NTNG1: variants seen among roughly 807,000 people sequenced by gnomAD.
NTNG1 encodes netrin-G1.
Under a neutral mutation model 54.0 loss-of-function variants are expected in NTNG1, and 16 were observed. The observed-to-expected ratio is 0.30, with a 90% CI of 0.20 to 0.45. The LOEUF (loss-of-function observed/expected upper bound fraction) is 0.45, where lower values mean the gene tolerates loss of function less well. Among genes scored for constraint, NTNG1 ranks in the 20% least tolerant of loss-of-function variants. The pLI is 1.00. For missense variants in NTNG1, 530 were observed against 678.7 expected (o/e 0.78, Z 2.43); for synonymous variants, 255 against 263.1 (o/e 0.97, Z 0.30).
intron 3 of NTNG1, among the ~76,000 whole-genome samples, chr1:107,343,640 C>T (rs1669049094): frequency 6.6e-6 from 1 of 152,024 alleles, no homozygotes; most frequent in South Asian, 2.1e-4. Flanking sequence ...CGCTCTATCC[C>T]TGAACGAATT....
rs186922721 is a variant in NTNG1 at position 107,150,830 on chromosome 1, A to G, written c.246+1991A>G. ...TCCCATGCCTGCCTTTCAAAGGGAC[A>G]TGGTCTAAGGTATTTAAACAAGTCC... On this transcript the variant is annotated intron_variant, in intron 2 of 7. Transcript: ENST00000370068. Among the ~76,000 whole-genome samples, 412 of 152,344 alleles carry G rather than the reference A, an allele frequency of 2.7e-3. 5 individuals are homozygous for G. Among genetic ancestry groups the G allele is most frequent in the African/African-American group, 9.6e-3 (398 of 41,600 alleles).
intron 2 of NTNG1, among the ~76,000 whole-genome samples, chr1:107,258,209 G>A (rs1406541366): frequency 6.7e-6 from 1 of 148,718 alleles, no homozygotes; most frequent in Non-Finnish European, 1.5e-5. Flanking sequence ...TTAATGTTTT[G>A]CCCAAGGAAA....
chr1:107,428,659 G>A (rs145909280), intron 5 of NTNG1, among the ~76,000 whole-genome samples: 384 of 152,172 alleles, frequency 2.5e-3, no homozygotes, highest in Non-Finnish European at 4.5e-3. Flanking sequence ...GAAGCAATTA[G>A]GTTTGAGAAT....
intron 2 of NTNG1, among the ~76,000 whole-genome samples, chr1:107,273,527 G>A (rs550220453): frequency 6.6e-6 from 1 of 152,256 alleles, no homozygotes; most frequent in African/African-American, 2.4e-5. Context: ...AAGGAACAGG[G>A]ATCTGAAACA....
intron 2 of NTNG1, among the ~76,000 whole-genome samples, chr1:107,205,510 A>C (rs1469090868): frequency 6.6e-6 from 1 of 152,144 alleles, no homozygotes; most frequent in African/African-American, 2.4e-5. Flanking sequence ...TATTATTGTT[A>C]AAAGTTTGGA....
chr1:107,311,634 C>A (rs1162832285), intron 2 of NTNG1, among the ~76,000 whole-genome samples: 1 of 152,114 alleles, frequency 6.6e-6, no homozygotes, highest in Non-Finnish European at 1.5e-5. Flanking sequence ...AACCTATGAG[C>A]AAATCCATTC....
chr1:107,308,411 C>T (rs1327625694), intron 2 of NTNG1, among the ~76,000 whole-genome samples: 7 of 152,068 alleles, frequency 4.6e-5, no homozygotes, highest in Non-Finnish European at 8.8e-5. Context: ...AATAGGGAGT[C>T]CTTTCCCCAT....
chr1:107,395,500 G>T (rs1557963186), intron 4 of NTNG1, 174 bp downstream of exon 4: 1 of 760,730 alleles, frequency 1.3e-6, no homozygotes. Context: ...TTAGCACTCT[G>T]ATCATCAGTA....
Position 107,391,167 on chromosome 1 carries a change from T to G in NTNG1, c.888-3987T>G, listed in dbSNP as rs115444026. Among the ~76,000 whole-genome samples, 532 of 151,948 alleles carry G rather than the reference T, an allele frequency of 3.5e-3. 5 individuals carry two copies. The highest frequency in any genetic ancestry group is 0.012 in the African/African-American group (488 of 41,434). On this transcript the variant is annotated intron_variant, in intron 3 of 7. Coordinates refer to ENST00000370068, the MANE Select transcript of NTNG1 (RefSeq NM_001113226.3). The stretch of plus-strand genomic sequence containing the variant: ...AAAGCTTGAAGAACTAAGTGTAGAG[T>G]TAGGAGTGGTACAAATGAAGCTGGA...
At chr1:107,187,742 C>A (rs761140840) in intron 2 of NTNG1, among the ~76,000 whole-genome samples, 11 of 152,130 alleles carry the variant, frequency 7.2e-5, no homozygotes, top group Non-Finnish European at 1.2e-4. Flanking sequence ...CAGATACTGT[C>A]ATTTCTTCAT....
chr1:107,316,552 CTT>C (rs1667350136), intron 2 of NTNG1, among the ~76,000 whole-genome samples: 1 of 152,152 alleles, frequency 6.6e-6, no homozygotes, highest in African/African-American at 2.4e-5. Flanking sequence ...GTCTTTGTGG[CTT>C]TGTTTCCCTA....
At chr1:107,407,619 T>C (rs1673513417) in intron 4 of NTNG1, 63 bp from the exon 5 acceptor site, 2 of 1,307,190 alleles carry the variant, frequency 1.5e-6, no homozygotes, top group Non-Finnish European at 2.1e-6. Flanking sequence ...TTATATTAAG[T>C]TAAAGATGTT....
At chr1:107,298,019 C>G (rs1047203650) in intron 2 of NTNG1, among the ~76,000 whole-genome samples, 2 of 152,000 alleles carry the variant, frequency 1.3e-5, no homozygotes, top group Non-Finnish European at 2.9e-5. Flanking sequence ...CAGCCATACC[C>G]AGAATACTGA....
intron 2 of NTNG1, among the ~76,000 whole-genome samples, chr1:107,205,482 A>G (rs756375708): frequency 2.0e-5 from 3 of 152,156 alleles, no homozygotes; most frequent in Non-Finnish European, 4.4e-5. Context: ...TTAAATTTTC[A>G]TAATTTTTAT....
intron 3 of NTNG1, among the ~76,000 whole-genome samples, chr1:107,357,159 C>T (rs1046000452): frequency 1.4e-4 from 22 of 152,140 alleles, no homozygotes; most frequent in Non-Finnish European, 2.9e-4. Flanking sequence ...TTGGCCCTGA[C>T]AATTGTGTCC....
chr1:107,211,502 C>T (rs1188037945), intron 2 of NTNG1, among the ~76,000 whole-genome samples: 3 of 152,030 alleles, frequency 2.0e-5, no homozygotes, highest in Admixed American at 1.3e-4. Flanking sequence ...GATTACTTGA[C>T]CCTTTGAAAT....
At chr1:107,350,141 A>G (rs1436143582) in intron 3 of NTNG1, among the ~76,000 whole-genome samples, 1 of 152,192 alleles carries the variant, frequency 6.6e-6, no homozygotes, top group African/African-American at 2.4e-5. Flanking sequence ...TAATCTCATT[A>G]CTGATGAAGA....
chr1:107,213,909 A>C (rs1659767451), intron 2 of NTNG1, among the ~76,000 whole-genome samples: 1 of 152,058 alleles, frequency 6.6e-6, no homozygotes, highest in Non-Finnish European at 1.5e-5. Context: ...TTGCCGTTAT[A>C]TTTTATTGCT....
At chr1:107,480,576 G>GCCCCCCCCCCCCCCCCCTCCC in intron 7 of NTNG1, 35 bp from the exon 8 acceptor site, 1 of 339,098 alleles carries the variant, frequency 2.9e-6, no homozygotes, top group South Asian at 3.6e-5. Context: ...TCCTCCCCGC[G>GCCCCCCCCCCCCCCCCCTCCC]CCCACCCACC....
Sources: allele counts gnomAD v4.1 joint callset (sites outside exome capture counted in the v4.1 genomes callset), GRCh38; gene constraint gnomAD v4.1.1; transcripts MANE v1.5; gene names NCBI Gene and HGNC (gene_info 2026-07-23, HGNC 2026-07-21).